Variants in TMC1 observed in about 807,000 individuals in gnomAD.
The protein encoded by TMC1 is transmembrane channel like 1.
TMC1 carries 84 observed loss-of-function variants against 105.8 expected under a neutral mutation model. The observed-to-expected ratio is 0.79, with a 90% CI of 0.67 to 0.95. TMC1 has a LOEUF of 0.95. TMC1 is among the 40% of genes least tolerant of loss of function. The pLI is 0.00. For synonymous variants in TMC1, 315 were observed against 311.5 expected, an observed-to-expected ratio of 1.01 and a Z score of -0.12; for missense variants, 817 against 914.1, an observed-to-expected ratio of 0.89 and a Z score of 1.37.
chr9:72,708,576 G>A (rs1433517856), intron 8 of TMC1, among the ~76,000 whole-genome samples: 2 of 151,592 alleles, frequency 1.3e-5, no homozygotes, highest in African/African-American at 4.9e-5. Flanking sequence ...CTTGGTCACT[G>A]TTGGTAAACA....
chr9:72,572,121 C>T (rs750099194), intron 1 of TMC1, among the ~76,000 whole-genome samples: 2 of 152,026 alleles, frequency 1.3e-5, no homozygotes, highest in Non-Finnish European at 2.9e-5. Flanking sequence ...CAGGTGTGAG[C>T]CACTGTGCTT....
rs1824642841 is a variant in TMC1, at chr9:72,591,783, TG to T, written c.-306+13762del. On this transcript the variant is annotated intron_variant, in intron 2 of 23. Coordinates refer to ENST00000297784, the MANE Select transcript of TMC1 (RefSeq NM_138691.3). The stretch of plus-strand genomic sequence containing the variant: ...CAGGGTCTCACTCTGTTGCCCAGGC[TG>T]GTCTCAAATTCCTGGGCTAAAGCAA... Among the ~76,000 whole-genome samples the T allele has an allele frequency of 3.9e-5, 6 of 152,280 alleles. No individual in the cohort carries two copies. In the Middle Eastern group the frequency reaches 0.014, roughly 345 times the overall value.
intron 10 of TMC1, among the ~76,000 whole-genome samples, chr9:72,742,772 A>G (rs1194810397): frequency 6.6e-6 from 1 of 152,188 alleles, no homozygotes; most frequent in African/African-American, 2.4e-5. Context: ...AAACATTACC[A>G]TTCTAACCTG....
intron 2 of TMC1, among the ~76,000 whole-genome samples, chr9:72,603,921 C>T (rs1824867842): frequency 7.9e-6 from 1 of 126,168 alleles, no homozygotes; most frequent in South Asian, 2.7e-4. Context: ...GGCTGGAGTG[C>T]AATGGTACAA....
chr9:72,753,872 C>T (rs186119573), intron 11 of TMC1, among the ~76,000 whole-genome samples: 124 of 152,240 alleles, frequency 8.1e-4, no homozygotes, highest in African/African-American at 2.7e-3. Flanking sequence ...AACTTTGGGG[C>T]GAGACAGTGT....
intron 2 of TMC1, chr9:72,607,816 G>A (rs1438315262): frequency 6.6e-6 from 1 of 151,908 alleles, no homozygotes; most frequent in Admixed American, 6.6e-5. Context: ...TCCCCAAATA[G>A]GAAATAACAT....
At chr9:72,741,416 A>T (rs1289161782) in intron 9 of TMC1, 2 of 441,624 alleles carry the variant, frequency 4.5e-6, no homozygotes, top group Admixed American at 2.7e-5. Flanking sequence ...ACACAAGATG[A>T]AGAGTAGACT....
At chr9:72,734,582 T>A (rs903863098) in intron 8 of TMC1, among the ~76,000 whole-genome samples, 1 of 151,994 alleles carries the variant, frequency 6.6e-6, no homozygotes, top group African/African-American at 2.4e-5. Context: ...CTTTGTACCT[T>A]CGAGTAGCTT....
chr9:72,647,617 C>CA (rs1476899418), intron 4 of TMC1, among the ~76,000 whole-genome samples: 1 of 152,166 alleles, frequency 6.6e-6, no homozygotes, highest in African/African-American at 2.4e-5. Flanking sequence ...ACCAGGTGAA[C>CA]ATCACCCTTA....
chr9:72,745,744 C>T (rs1159069407), intron 10 of TMC1, among the ~76,000 whole-genome samples: 1 of 152,026 alleles, frequency 6.6e-6, no homozygotes, highest in African/African-American at 2.4e-5. Context: ...GAACTTAATG[C>T]AAAATGGGAA....
chr9:72,632,664 A>G lies in TMC1; in HGVS notation c.-53+4601A>G, dbSNP rs1418705563. ...AGCAAATGACCCTGCATTGAAAATGATCAAAGTATGCAGATTGGAAAGGCT... is the reference window on the plus strand; with the variant it reads ...AGCAAATGACCCTGCATTGAAAATGGTCAAAGTATGCAGATTGGAAAGGCT... On this transcript the variant is annotated intron_variant, in intron 4 of 23. Transcript: ENST00000297784. Among the ~76,000 whole-genome samples, 3 of 152,326 alleles carry G rather than the reference A, an allele frequency of 2.0e-5. No homozygotes were observed. In the East Asian group the frequency reaches 5.8e-4, roughly 29 times the overall value.
intron 23 of TMC1, 56 bp downstream of exon 23, chr9:72,830,738 C>CTTTTTTTTTTTTTTTTTCT (rs71495342): frequency 3.5e-6 from 4 of 1,148,138 alleles, no homozygotes; most frequent in African/African-American, 1.8e-5. Context: ...CTTTTTCTTT[C>CTTTTTTTTTTTTTTTTTCT]TTTTTTTTTT....
intron 12 of TMC1, among the ~76,000 whole-genome samples, chr9:72,755,178 G>A (rs1827660082): frequency 6.6e-6 from 1 of 151,968 alleles, no homozygotes; most frequent in Admixed American, 6.6e-5. Context: ...TTAGGACAAT[G>A]GTAATATGAT....
intron 8 of TMC1, among the ~76,000 whole-genome samples, chr9:72,732,370 C>T (rs1827226215): frequency 6.6e-6 from 1 of 152,116 alleles, no homozygotes; most frequent in African/African-American, 2.4e-5. Flanking sequence ...CGAAAACAGC[C>T]TGGCCAAAAG....
intron 8 of TMC1, among the ~76,000 whole-genome samples, chr9:72,720,332 C>T (rs1057207799): frequency 6.6e-6 from 1 of 152,202 alleles, no homozygotes; most frequent in African/African-American, 2.4e-5. Flanking sequence ...GCTCAAATCA[C>T]ATGGCTTAGT....
chr9:72,700,761 T>C (rs199510636), intron 8 of TMC1, 118 bp downstream of exon 8: 193 of 153,014 alleles, frequency 1.3e-3, no homozygotes, highest in South Asian at 3.2e-3. Context: ...CACACACACA[T>C]ACACACACAC....
intron 9 of TMC1, chr9:72,741,670 C>A (rs1463968944): frequency 6.5e-6 from 1 of 153,802 alleles, no homozygotes; most frequent in Non-Finnish European, 1.4e-5. Flanking sequence ...CGTGGGTGAT[C>A]TTTTGAACTT....
chr9:72,824,721 C>T (rs954851796), intron 20 of TMC1, among the ~76,000 whole-genome samples: 3 of 151,994 alleles, frequency 2.0e-5, no homozygotes, highest in Admixed American at 6.5e-5. Context: ...AAGGTAGACA[C>T]GACAGTATAG....
intron 12 of TMC1, among the ~76,000 whole-genome samples, chr9:72,770,462 A>G (rs1827908386): frequency 7.6e-6 from 1 of 131,838 alleles, no homozygotes; most frequent in Non-Finnish European, 1.6e-5. Flanking sequence ...TTTGTCACCT[A>G]GGCTGCAGTG....
Sources: gnomAD v4.1 joint callset for allele counts (sites outside exome capture counted in the v4.1 genomes callset) on GRCh38, gnomAD v4.1.1 for gene constraint, MANE v1.5 for transcripts, NCBI Gene and HGNC (gene_info 2026-07-23, HGNC 2026-07-21) for gene names.